The following ABCC11 variants were observed in gnomAD, a reference collection of about 807,000 sequenced individuals.
The protein encoded by ABCC11 is ATP binding cassette subfamily C member 11, also known as ATP-binding cassette sub-family C member 11.
A neutral mutation model predicts 149.3 loss-of-function variants in ABCC11; 135 were observed. The ratio of observed to expected loss-of-function variants is 0.90; its 90% CI spans 0.79 to 1.04. ABCC11 has a LOEUF of 1.04. ABCC11 is among the 50% of genes least tolerant of loss of function. The pLI is 0.00. For synonymous variants in ABCC11, 665 were observed against 671.4 expected, an observed-to-expected ratio of 0.99 and a Z score of 0.15; for missense variants, 1,680 against 1,722.1, an observed-to-expected ratio of 0.98 and a Z score of 0.43.
chr16:48,227,947 G>A lies in ABCC11; in HGVS notation c.254C>T (p.Pro85Leu), dbSNP rs1970182376. Residue 85 changes from proline (P) to leucine (L), a missense_variant, in exon 4 of 30, where the codon CCC becomes CTC. Physicochemically the swap from Pro to Leu is moderately conservative, Grantham distance 98. Transcript: ENST00000356608. Reference protein sequence around the residue: ...RPKPRFPAPQPLDNAGLFSYL... With the variant: ...RPKPRFPAPQLLDNAGLFSYL... ...GGAGAACAGGCCAGCATTGTCCAGGGGCTGGGGGGCAGGAAACCTAGTAGA... is the reference window on the plus strand; with the variant it reads ...GGAGAACAGGCCAGCATTGTCCAGGAGCTGGGGGGCAGGAAACCTAGTAGA... 1 of 1,612,776 alleles carries A rather than the reference G, an allele frequency of 6.2e-7. No individual in the cohort carries two copies. Among genetic ancestry groups the A allele is most frequent in the African/African-American group, 1.3e-5 (1 of 74,958 alleles).
chr16:48,222,502 TA>T, intron 6 of ABCC11, 95 bp downstream of exon 6: 1 of 1,014,970 alleles, frequency 9.9e-7, no homozygotes, highest in Non-Finnish European at 1.5e-6. Flanking sequence ...CTTCCTCTTC[TA>T]ACCCCCTTTT....
In ABCC11 at chr16:48,187,293, C is replaced by T. The variant is rs1015571308; in HGVS notation, c.2841G>A (p.Met947Ile). 9 of 1,614,058 alleles carry T rather than the reference C, an allele frequency of 5.6e-6. No homozygotes were observed. In the African/African-American group the frequency reaches 1.2e-4, roughly 22 times the overall value. ...TGACAATCAACAGGACGGCGATCAC[C>T]ATTAAGGACAGGACCAGGAACTGCT... ...FSEQFLVLSL[M>I]VIAVLLIVSV... Residue 947 changes from methionine (M) to isoleucine (I), a missense_variant, in exon 21 of 30, where the codon ATG becomes ATA. By Grantham distance (10) the Met-to-Ile change is conservative (BLOSUM62 1). Transcript: ENST00000356608.
chr16:48,201,496 GA>G (rs1967977891), intron 14 of ABCC11, among the ~76,000 whole-genome samples: 1 of 103,952 alleles, frequency 9.6e-6, no homozygotes, highest in Admixed American at 1.2e-4. Flanking sequence ...TTTTTTTGTA[GA>G]GATGAGGTCT....
chr16:48,200,538 A>C, intron 14 of ABCC11, 59 bp from the exon 15 acceptor site: 1 of 1,546,082 alleles, frequency 6.5e-7, no homozygotes, highest in Non-Finnish European at 8.8e-7. Context: ...AGGTGTGCTC[A>C]AATGGGTAGG....
In ABCC11 at chr16:48,196,338, G is replaced by A; in HGVS notation, c.2315-17C>T. The A allele has an allele frequency of 3.1e-6, 5 of 1,611,358 alleles. No homozygotes were observed. Among genetic ancestry groups the A allele is most frequent in the Non-Finnish European group, 4.2e-6 (5 of 1,178,262 alleles). On this transcript the variant is annotated splice_polypyrimidine_tract_variant and intron_variant, in intron 17 of 29. Transcript: ENST00000356608. The stretch of plus-strand genomic sequence containing the variant: ...GCTCCGGCACTGGGTCAGGGTAGAA[G>A]AAGAGAAAAGTGGTATGCCTGCCAA...
chr16:48,165,297 G>C (rs1329533604), downstream of ABCC11: 1 of 152,268 alleles, frequency 6.6e-6, no homozygotes, highest in Non-Finnish European at 1.5e-5. Flanking sequence ...TGAGGGGAAG[G>C]GAATAACAGA....
chr16:48,227,759 G>A, intron 4 of ABCC11, 47 bp downstream of exon 4: 1 of 1,610,870 alleles, frequency 6.2e-7, no homozygotes, highest in Non-Finnish European at 8.5e-7. Flanking sequence ...ATCCCACCAA[G>A]AGATTGTCTT....
intron 6 of ABCC11, among the ~76,000 whole-genome samples, chr16:48,222,329 G>A (rs1359876078): frequency 6.6e-6 from 1 of 151,982 alleles, no homozygotes; most frequent in East Asian, 1.9e-4. Context: ...CTCCTGCCTG[G>A]GCCTCCCAAA....
rs1413724666 is a variant in ABCC11 at position 48,175,419 on chromosome 16, T to A, written c.3539-2A>T. The A allele has an allele frequency of 1.2e-6, 2 of 1,602,966 alleles. No individual in the cohort carries two copies. Among genetic ancestry groups the A allele is most frequent in the Admixed American group, 3.4e-5 (2 of 59,632 alleles). ...GAGCCATGCCCAAGGAGGACTTCCC[T>A]GTGGGGCAAGAAACAAGCGGGGCCT... On this transcript the variant is annotated splice_acceptor_variant, in intron 25 of 29. Coordinates refer to ENST00000356608, the MANE Select transcript of ABCC11 (RefSeq NM_001370497.1). LOFTEE classifies it high-confidence loss of function.
At chr16:48,218,827 A>G (rs910185950) in intron 6 of ABCC11, among the ~76,000 whole-genome samples, 1 of 152,188 alleles carries the variant, frequency 6.6e-6, no homozygotes, top group Non-Finnish European at 1.5e-5. Context: ...GAGTCCACTA[A>G]GCCTCTTTTC....
chr16:48,245,275 C>T (rs907778988), intron 1 of ABCC11, among the ~76,000 whole-genome samples: 4 of 152,152 alleles, frequency 2.6e-5, no homozygotes, highest in African/African-American at 7.2e-5. Context: ...CACCTCTGCT[C>T]CTTCACTCAT....
chr16:48,177,444 G>T (rs564662368), intron 24 of ABCC11, among the ~76,000 whole-genome samples: 2 of 152,246 alleles, frequency 1.3e-5, no homozygotes, highest in Non-Finnish European at 2.9e-5. Flanking sequence ...CCTTCGGGGG[G>T]GTTCATAGCT....
At chr16:48,201,478 T>TC (rs1482055566) in intron 14 of ABCC11, among the ~76,000 whole-genome samples, 4 of 146,644 alleles carry the variant, frequency 2.7e-5, no homozygotes, top group Admixed American at 2.0e-4. Context: ...CTTTTTCTTT[T>TC]TTTTTTTTTT....
Position 48,166,463 on chromosome 16 carries a change from C to T in ABCC11, c.*811G>A, listed in dbSNP as rs116371342. 8.6e-3 allele frequency among the ~76,000 whole-genome samples: 1,317 copies of T among 152,324 alleles called. 15 individuals carry two copies. The highest frequency in any genetic ancestry group is 0.029 in the African/African-American group (1,219 of 41,558). On this transcript the variant is annotated 3_prime_UTR_variant, in exon 30 of 30. Coordinates refer to ENST00000356608, the MANE Select transcript of ABCC11 (RefSeq NM_001370497.1). Reference sequence around the variant, plus strand: ...ACAGGCATCCTTTCATTCCGGCACCCAACCTTGAACTTTTTCTGTATCTTT... The same window carrying T: ...ACAGGCATCCTTTCATTCCGGCACCTAACCTTGAACTTTTTCTGTATCTTT...
intron 11 of ABCC11, among the ~76,000 whole-genome samples, chr16:48,209,147 G>A (rs1968697998): frequency 6.6e-6 from 1 of 152,170 alleles, no homozygotes; most frequent in Admixed American, 6.5e-5. Context: ...CTACAGAGCA[G>A]GTGTCATTGC....
intron 13 of ABCC11, among the ~76,000 whole-genome samples, chr16:48,205,204 G>C (rs1278256161): frequency 6.6e-6 from 1 of 152,140 alleles, no homozygotes; most frequent in African/African-American, 2.4e-5. Flanking sequence ...GGGTGACTTC[G>C]GGCAAATTAT....
intron 23 of ABCC11, among the ~76,000 whole-genome samples, chr16:48,182,775 T>TC (rs1292922750): frequency 1.5e-5 from 2 of 135,256 alleles, no homozygotes; most frequent in Non-Finnish European, 3.1e-5. Context: ...AGAGCAAGAC[T>TC]CCATCTCAAA....
chr16:48,216,919 A>G (rs977982644), intron 6 of ABCC11, among the ~76,000 whole-genome samples: 2 of 152,188 alleles, frequency 1.3e-5, no homozygotes, highest in African/African-American at 4.8e-5. Flanking sequence ...CTGCATATAC[A>G]CAAGGGCTTT....
chr16:48,172,169 C>G (rs28776316), intron 26 of ABCC11, among the ~76,000 whole-genome samples: 2 of 152,168 alleles, frequency 1.3e-5, no homozygotes, highest in African/African-American at 4.8e-5. Flanking sequence ...TCTTTCACTT[C>G]GTGTCCATCC....
Sources: gnomAD v4.1 joint callset for allele counts (sites outside exome capture counted in the v4.1 genomes callset) on GRCh38, gnomAD v4.1.1 for gene constraint, MANE v1.5 for transcripts, NCBI Gene and HGNC (gene_info 2026-07-23, HGNC 2026-07-21) for gene names.